The following SEPTIN4 variants were observed in gnomAD, a reference collection of about 807,000 sequenced individuals.
The protein encoded by SEPTIN4 is septin-4.
In SEPTIN4, 52 loss-of-function variants were observed where a neutral mutation model predicts 107.1. The observed-to-expected ratio is 0.49, with a 90% CI of 0.39 to 0.61. The LOEUF is 0.61. Among genes scored for constraint, SEPTIN4 ranks in the 20% least tolerant of loss-of-function variants. The pLI is 0.00. For synonymous variants in SEPTIN4, 417 were observed against 467.0 expected, an observed-to-expected ratio of 0.89 and a Z score of 1.38; for missense variants, 1,048 against 1,243.5, an observed-to-expected ratio of 0.84 and a Z score of 2.36.
rs200346125 is a variant in SEPTIN4 at position 58,521,738 on chromosome 17, T to C, written c.2467A>G (p.Lys823Glu). 2 of 1,614,244 alleles carry C rather than the reference T, an allele frequency of 1.2e-6. No homozygotes were observed. The highest frequency in any genetic ancestry group is 8.5e-7 in the Non-Finnish European group (1 of 1,180,044). Reference protein sequence around the residue: ...TPPEVDHKKRKIREEIEHFGI... With the variant: ...TPPEVDHKKREIREEIEHFGI... ...CTCCCACCACCAGCTTCCCTCACTT[T>C]GCGTTTCTTGTGGTCCACTTCGGGA... The change falls in exon 9 of 14, where the codon AAA becomes GAA. Residue 823 changes from lysine (K) to glutamate (E), a missense_variant and splice_region_variant. By Grantham distance (56) the Lys-to-Glu change is moderately conservative. This residue lies in a region of SEPTIN4 where 261 missense variants were observed against 371.7 expected (regional missense o/e 0.70). Transcript: ENST00000672673. This position sits in a 1 kb window ranked among gnomAD's most constrained non-coding sequence, Gnocchi z 6.4.
At chr17:58,526,163 A>G (rs1372670010) in intron 5 of SEPTIN4, 57 bp downstream of exon 5, 40 of 1,516,282 alleles carry the variant, frequency 2.6e-5, no homozygotes, top group Non-Finnish European at 3.3e-5. Flanking sequence ...TCACGGACAC[A>G]CACACCATCC....
chr17:58,520,325 G>A lies in SEPTIN4; in HGVS notation c.*101C>T, dbSNP rs2042126773. ...GCAGTCAGCAGGGATGTAAGGCGAA[G>A]TGGCAGTAGCTGAAGGGGCCTGAGC... On this transcript the variant is annotated 3_prime_UTR_variant, in exon 14 of 14. Transcript: ENST00000672673. 3.8e-6 allele frequency: 4 copies of A among 1,052,074 alleles called. No individual in the cohort carries two copies. In the South Asian group the frequency reaches 5.5e-5, roughly 14 times the overall value. 65.2% of individuals were successfully genotyped at this position (1,052,074 alleles called of 1,614,324 possible).
At chr17:58,530,459 C>T (rs1418031947) in intron 3 of SEPTIN4, 1 of 152,266 alleles carries the variant, frequency 6.6e-6, no homozygotes, top group Non-Finnish European at 1.5e-5. Context: ...AAGAGACCCT[C>T]ATAGAGGAGT....
Position 58,521,959 on chromosome 17 carries a change from G to A in SEPTIN4, c.2351+8C>T. The A allele has an allele frequency of 1.9e-6, 3 of 1,614,218 alleles. No homozygotes were observed. Among genetic ancestry groups the A allele is most frequent in the Non-Finnish European group, 2.5e-6 (3 of 1,180,046 alleles). The stretch of plus-strand genomic sequence containing the variant: ...GGTGGTGCCAGGAGCCTCAGGCTTG[G>A]ACCATACCCATGGCCGAAGGGTGAG... On this transcript the variant is annotated splice_region_variant and intron_variant, in intron 8 of 13. Coordinates refer to ENST00000672673, the MANE Select transcript of SEPTIN4 (RefSeq NM_001368771.2). The surrounding 1 kb of genome is among the most constrained non-coding windows in gnomAD (Gnocchi z 6.4).
intron 3 of SEPTIN4, chr17:58,532,151 G>T: frequency 1.9e-6 from 2 of 1,025,852 alleles, no homozygotes; most frequent in South Asian, 4.7e-5. Context: ...TCAGCTGCTA[G>T]CGGTGCCGGC....
chr17:58,538,967 A>G lies in SEPTIN4; in HGVS notation c.1614+1699T>C. On this transcript the variant is annotated intron_variant, in intron 3 of 13. Coordinates refer to ENST00000672673, the MANE Select transcript of SEPTIN4 (RefSeq NM_001368771.2). The surrounding 1 kb of genome is among the most constrained non-coding windows in gnomAD (Gnocchi z 4.7). ...CTCTATGGTCAACCATTCCCAGATC[A>G]GAGGAATCAGAGGCCTTGGACACCA... is the stretch of plus-strand genomic sequence containing the variant. The G allele has an allele frequency of 2.0e-6, 1 of 504,006 alleles. No individual in the cohort carries two copies. Among genetic ancestry groups the G allele is most frequent in the African/African-American group, 2.0e-5 (1 of 51,032 alleles). The allele number at this position is 504,006 out of a possible 1,614,324, so 31.2% of individuals were successfully genotyped here. A position where few individuals can be genotyped will look rare whatever the true frequency, so the allele number is the denominator to read the frequency against.
chr17:58,544,097 T>C lies in SEPTIN4; in HGVS notation c.90A>G (p.Gly30=), dbSNP rs1194449842. Residue 30 remains glycine (G), a synonymous_variant, in exon 1 of 14, where the codon GGA becomes GGG. Transcript: ENST00000672673. ...GGCTTGAGGCAAGAACGTACCCATGTCCCTGCTGAGGGGATGTGTTAGTAG... is the reference window on the plus strand; with the variant it reads ...GGCTTGAGGCAAGAACGTACCCATGCCCCTGCTGAGGGGATGTGTTAGTAG... ...EVTTNTSPQQ[G]HGYVLASSHR... is the part of the protein sequence containing the mutation. 1 of 1,614,100 alleles carries C rather than the reference T, an allele frequency of 6.2e-7. No homozygotes were observed. The highest frequency in any genetic ancestry group is 1.7e-5 in the Admixed American group (1 of 60,010).
intron 3 of SEPTIN4, among the ~76,000 whole-genome samples, chr17:58,537,829 C>CAAAAAAA (rs34156939): frequency 6.6e-5 from 4 of 60,274 alleles, no homozygotes; most frequent in Non-Finnish European, 1.3e-4. Context: ...GACTCTGTCT[C>CAAAAAAA]AAAAAAAAAA....
chr17:58,521,640 C>G lies in SEPTIN4; in HGVS notation c.2476G>C (p.Glu826Gln). ...EVDHKKRKIREEIEHFGIKIY... is the reference protein window; with the variant it reads ...EVDHKKRKIRQEIEHFGIKIY... ...TTGATTCCAAAATGCTCAATCTCCTCCCGGATCTGACAAACAGATGAGGGG... is the reference window on the plus strand; with the variant it reads ...TTGATTCCAAAATGCTCAATCTCCTGCCGGATCTGACAAACAGATGAGGGG... The change falls in exon 10 of 14, where the codon GAG becomes CAG. Residue 826 changes from glutamate (E) to glutamine (Q), a missense_variant. Glu to Gln is a conservative substitution (Grantham distance 29). Around this residue, in one of 2 missense-constraint regions of SEPTIN4, gnomAD observed 261 missense variants for 371.7 expected, o/e 0.70. Coordinates refer to ENST00000672673, the MANE Select transcript of SEPTIN4 (RefSeq NM_001368771.2). The surrounding 1 kb of genome is among the most constrained non-coding windows in gnomAD (Gnocchi z 6.4). The G allele has an allele frequency of 6.2e-7, 1 of 1,614,226 alleles. No individual in the cohort carries two copies. The highest frequency in any genetic ancestry group is 8.5e-7 in the Non-Finnish European group (1 of 1,180,030).
chr17:58,526,170 A>G (rs1467796739), intron 5 of SEPTIN4, 50 bp downstream of exon 5: 1 of 1,523,092 alleles, frequency 6.6e-7, no homozygotes, highest in Non-Finnish European at 8.8e-7. Context: ...CACACACACC[A>G]TCCCCACCTG....
At chr17:58,539,422 C>A (rs1016656929) in intron 3 of SEPTIN4, among the ~76,000 whole-genome samples, 11 of 152,034 alleles carry the variant, frequency 7.2e-5, no homozygotes, top group Non-Finnish European at 1.5e-4. Context: ...TAGGGGTGAG[C>A]AAAAGGCTAG....
rs750669828 is a variant in SEPTIN4 at position 58,521,212 on chromosome 17, T to C, written c.2668+42A>G. 3 of 1,614,032 alleles carry C rather than the reference T, an allele frequency of 1.9e-6. No homozygotes were observed. Among genetic ancestry groups the C allele is most frequent in the East Asian group, 4.5e-5 (2 of 44,898 alleles). On this transcript the variant is annotated intron_variant, in intron 11 of 13. Coordinates refer to ENST00000672673, the MANE Select transcript of SEPTIN4 (RefSeq NM_001368771.2). The surrounding 1 kb of genome is among the most constrained non-coding windows in gnomAD (Gnocchi z 6.4). ...AGAGGCATAGGTAGGGGAGAGCCAC[T>C]GAGGGCAAGGAGATACCCTGGTCAC... is the stretch of plus-strand genomic sequence containing the variant.
Position 58,521,039 on chromosome 17 carries a change from G to T in SEPTIN4, c.2790C>A (p.Ile930=), listed in dbSNP as rs763800258. 16 of 1,614,164 alleles carry T rather than the reference G, an allele frequency of 9.9e-6. No individual in the cohort carries two copies. The South Asian group carries it at 1.6e-4, about 17-fold the overall frequency. The change falls in exon 12 of 14, where the codon ATC becomes ATA. Residue 930 remains isoleucine (I), a synonymous_variant. Coordinates refer to ENST00000672673, the MANE Select transcript of SEPTIN4 (RefSeq NM_001368771.2). The surrounding 1 kb of genome is among the most constrained non-coding windows in gnomAD (Gnocchi z 6.4). The part of the protein sequence containing the change: ...THYENYRAQC[I]QSMTRLVVKE... Reference sequence around the variant, plus strand: ...TCACCACCAGGCGGGTCATGCTCTGGATGCACTGTGCCCGGTAGTTCTCAT... The same window carrying T: ...TCACCACCAGGCGGGTCATGCTCTGTATGCACTGTGCCCGGTAGTTCTCAT...
Position 58,526,246 on chromosome 17 carries a change from C to A in SEPTIN4, c.1979G>T (p.Gly660Val). 1 of 1,605,020 alleles carries A rather than the reference C, an allele frequency of 6.2e-7. No homozygotes were observed. Among genetic ancestry groups the A allele is most frequent in the Admixed American group, 1.7e-5 (1 of 58,560 alleles). ...TGCCACCATGAGGGTAAAGTCAAAGCCTTTCTTCACGGACTTTCGGTGGAC... is the reference window on the plus strand; with the variant it reads ...TGCCACCATGAGGGTAAAGTCAAAGACTTTCTTCACGGACTTTCGGTGGAC... ...NQVHRKSVKKGFDFTLMVAGE... is the reference protein window; with the variant it reads ...NQVHRKSVKKVFDFTLMVAGE... The change falls in exon 5 of 14, where the codon GGC (glycine) becomes GTC (valine). Residue 660 changes from glycine (G) to valine (V), a missense_variant. By Grantham distance (109) the Gly-to-Val change is moderately radical (BLOSUM62 -3). This residue lies in a region of SEPTIN4 where 787 missense variants were observed against 871.8 expected (regional missense o/e 0.90). Coordinates refer to ENST00000672673, the MANE Select transcript of SEPTIN4 (RefSeq NM_001368771.2).
intron 7 of SEPTIN4, among the ~76,000 whole-genome samples, chr17:58,524,329 C>A (rs1231392252): frequency 6.6e-6 from 1 of 152,086 alleles, no homozygotes; most frequent in Non-Finnish European, 1.5e-5. Context: ...CGGCAGGTAG[C>A]CTAGAGGGTG....
At position 58,538,381 on chromosome 17, in the gene SEPTIN4, T is replaced by A. The variant is rs1252371248; in HGVS notation, c.1614+2285A>T. Reference sequence around the variant, plus strand: ...TTTCCAGAGTTGGTTTCTTGCATAATTGATAGAGCAGAGAGTAAACCACCT... The same window carrying A: ...TTTCCAGAGTTGGTTTCTTGCATAAATGATAGAGCAGAGAGTAAACCACCT... On this transcript the variant is annotated intron_variant, in intron 3 of 13. Transcript: ENST00000672673. The surrounding 1 kb of genome is among the most constrained non-coding windows in gnomAD (Gnocchi z 4.7). Among the ~76,000 whole-genome samples, 1 of 152,216 alleles carries A rather than the reference T, an allele frequency of 6.6e-6. No homozygotes were observed. The highest frequency in any genetic ancestry group is 1.5e-5 in the Non-Finnish European group (1 of 68,036).
chr17:58,533,857 C>CT (rs1020910499), intron 3 of SEPTIN4, among the ~76,000 whole-genome samples: 1 of 152,240 alleles, frequency 6.6e-6, no homozygotes, highest in African/African-American at 2.4e-5. Flanking sequence ...CTCTTGCGTG[C>CT]TTCCAGAGTC....
At chr17:58,529,291 C>A in intron 3 of SEPTIN4, 1 of 1,582,602 alleles carries the variant, frequency 6.3e-7, no homozygotes, top group South Asian at 1.1e-5. Context: ...GGCTTCCTGG[C>A]TTGCTCCTTT....
chr17:58,544,215 C>T lies in SEPTIN4; in HGVS notation c.-29G>A. ...ATAGATTGTGCCCTTCTGAGTAGAT[C>T]CCGTATTTTACTGGCTGGCTTGTAT... On this transcript the variant is annotated 5_prime_UTR_variant, in exon 1 of 14. Coordinates refer to ENST00000672673, the MANE Select transcript of SEPTIN4 (RefSeq NM_001368771.2). The T allele has an allele frequency of 6.4e-7, 1 of 1,571,726 alleles. No homozygotes were observed. The highest frequency in any genetic ancestry group is 8.6e-7 in the Non-Finnish European group (1 of 1,158,402).
Sources: gnomAD v4.1 joint callset for allele counts (sites outside exome capture counted in the v4.1 genomes callset) on GRCh38, gnomAD v4.1.1 for gene constraint, gnomAD v4.1.1 regional missense constraint, Gnocchi (gnomAD v3.1) non-coding constraint, MANE v1.5 for transcripts, NCBI Gene and HGNC (gene_info 2026-07-23, HGNC 2026-07-21) for gene names.